Variants in PDE10A observed in about 807,000 individuals in gnomAD.
PDE10A encodes the protein cAMP and cAMP-inhibited cGMP 3',5'-cyclic phosphodiesterase 10A.
PDE10A carries 39 observed loss-of-function variants against 97.7 expected under a neutral mutation model. The observed-to-expected ratio is 0.40, with a 90% confidence interval of 0.31 to 0.52. PDE10A has a LOEUF of 0.52. PDE10A is among the 20% of genes least tolerant of loss of function. The pLI, the probability that PDE10A is intolerant of heterozygous loss-of-function variation, is 0.56. For synonymous variants in PDE10A, 371 were observed against 376.8 expected, an observed-to-expected ratio of 0.98 and a Z score of 0.18; for missense variants, 731 against 1,047.8, an observed-to-expected ratio of 0.70 and a Z score of 4.17.
At chr6:165,878,276 G>C (rs532688224) in intron 1 of PDE10A, among the ~76,000 whole-genome samples, 1 of 152,122 alleles carries the variant, frequency 6.6e-6, no homozygotes, top group African/African-American at 2.4e-5. Flanking sequence ...ATTTCCCCCT[G>C]CTAAGTCACC....
intron 1 of PDE10A, among the ~76,000 whole-genome samples, chr6:165,791,473 C>T (rs538700061): frequency 3.3e-5 from 5 of 152,244 alleles, no homozygotes; most frequent in South Asian, 2.1e-4. Flanking sequence ...TTGTGAACGG[C>T]GCTGCCACGG....
chr6:165,720,339 T>TTTA (rs1200095338), intron 1 of PDE10A, among the ~76,000 whole-genome samples: 2 of 152,108 alleles, frequency 1.3e-5, no homozygotes, highest in African/African-American at 4.8e-5. Context: ...TCACTGATAG[T>TTTA]TTATAAAAGC....
chr6:165,626,864 A>G (rs1471417164), intron 1 of PDE10A, among the ~76,000 whole-genome samples: 1 of 152,224 alleles, frequency 6.6e-6, no homozygotes, highest in Non-Finnish European at 1.5e-5. Context: ...GGACGGGCTC[A>G]GTAGCCCTTC....
At chr6:165,968,608 C>T (rs765037676) in intron 1 of PDE10A, among the ~76,000 whole-genome samples, 1 of 152,166 alleles carries the variant, frequency 6.6e-6, no homozygotes, top group Admixed American at 6.5e-5. Flanking sequence ...CTTTAAGTGA[C>T]CTACCCTGAC....
intron 1 of PDE10A, among the ~76,000 whole-genome samples, chr6:165,783,098 T>G (rs1317020569): frequency 6.6e-6 from 1 of 152,124 alleles, no homozygotes; most frequent in Non-Finnish European, 1.5e-5. Flanking sequence ...TAACATTTTT[T>G]GGCTACTTAG....
chr6:165,681,253 G>A (rs1394641062), intron 1 of PDE10A, among the ~76,000 whole-genome samples: 1 of 152,120 alleles, frequency 6.6e-6, no homozygotes, highest in East Asian at 1.9e-4. Flanking sequence ...AAATATATTT[G>A]CTGTGCAAAA....
intron 1 of PDE10A, among the ~76,000 whole-genome samples, chr6:165,708,118 C>T (rs1041309903): frequency 6.6e-6 from 1 of 152,182 alleles, no homozygotes; most frequent in African/African-American, 2.4e-5. Flanking sequence ...CGTGCTGGCT[C>T]CACTCCTGCC....
chr6:165,417,925 C>T (rs2128230110), intron 11 of PDE10A, among the ~76,000 whole-genome samples: 1 of 152,308 alleles, frequency 6.6e-6, no homozygotes, highest in South Asian at 2.1e-4. Context: ...AAACGAGACA[C>T]ATACAGCAAA....
At chr6:165,442,236 G>T (rs1484926485) in intron 5 of PDE10A, among the ~76,000 whole-genome samples, 2 of 152,048 alleles carry the variant, frequency 1.3e-5, no homozygotes, top group African/African-American at 4.8e-5. Flanking sequence ...TTGGTGTGCT[G>T]CACCCATCAA....
intron 1 of PDE10A, among the ~76,000 whole-genome samples, chr6:165,645,424 C>T (rs991782552): frequency 9.2e-5 from 14 of 152,100 alleles, no homozygotes; most frequent in South Asian, 4.1e-4. Flanking sequence ...AGTTCACAGA[C>T]GTCTTTCTTC....
intron 1 of PDE10A, among the ~76,000 whole-genome samples, chr6:165,748,833 T>TGTGTGTGA (rs894415869): frequency 6.6e-6 from 1 of 151,882 alleles, no homozygotes. Context: ...TGTGTGTGTG[T>TGTGTGTGA]GATTTCACTC....
intron 2 of PDE10A, among the ~76,000 whole-genome samples, chr6:165,504,497 G>A (rs1044684659): frequency 2.0e-5 from 3 of 152,148 alleles, no homozygotes; most frequent in Non-Finnish European, 2.9e-5. Flanking sequence ...CAGCACAGCT[G>A]TAGCCACACC....
chr6:165,449,242 AT>A (rs1791098353), intron 4 of PDE10A, among the ~76,000 whole-genome samples: 3 of 152,230 alleles, frequency 2.0e-5, no homozygotes, highest in African/African-American at 7.2e-5. Context: ...ATAGTAACAT[AT>A]TTGTTGAACT....
At chr6:165,781,789 A>C (rs1778347668) in intron 1 of PDE10A, 1 of 152,398 alleles carries the variant, frequency 6.6e-6, no homozygotes. Context: ...CCACAAGCCC[A>C]GGAGTGCGGA....
intron 1 of PDE10A, among the ~76,000 whole-genome samples, chr6:165,867,416 CA>C (rs1272348087): frequency 6.6e-6 from 1 of 151,122 alleles, no homozygotes; most frequent in African/African-American, 2.4e-5. Flanking sequence ...AAAAACAAAA[CA>C]AAAAAAGACA....
intron 1 of PDE10A, among the ~76,000 whole-genome samples, chr6:165,582,317 CAA>C (rs748755201): frequency 6.6e-6 from 1 of 152,044 alleles, no homozygotes; most frequent in African/African-American, 2.4e-5. Context: ...GCCCAAAAAT[CAA>C]AAGTCACAAC....
chr6:165,821,078 G>C (rs986691177), intron 1 of PDE10A, among the ~76,000 whole-genome samples: 1 of 152,140 alleles, frequency 6.6e-6, no homozygotes, highest in Non-Finnish European at 1.5e-5. Context: ...GGCTGCGGTG[G>C]GGCAGTGGCT....
At chr6:165,903,014 A>G (rs1240809555) in intron 1 of PDE10A, among the ~76,000 whole-genome samples, 1 of 152,218 alleles carries the variant, frequency 6.6e-6, no homozygotes, top group African/African-American at 2.4e-5. Flanking sequence ...CTACAAATTG[A>G]GCAAGATAGA....
chr6:165,459,859 T>C (rs967510175), intron 3 of PDE10A, among the ~76,000 whole-genome samples: 4 of 152,016 alleles, frequency 2.6e-5, no homozygotes, highest in Non-Finnish European at 2.9e-5. Flanking sequence ...AGCATGCTCA[T>C]ACTAAAAAAG....
Sources: allele counts gnomAD v4.1 joint callset (sites outside exome capture counted in the v4.1 genomes callset), GRCh38; gene constraint gnomAD v4.1.1; transcripts MANE v1.5; gene names NCBI Gene and HGNC (gene_info 2026-07-23, HGNC 2026-07-21).